The following ABR variants were observed in gnomAD, a reference collection of about 807,000 sequenced individuals.
The protein encoded by ABR is active breakpoint cluster region-related protein.
Under a neutral mutation model 107.2 loss-of-function variants are expected in ABR, and 35 were observed. The observed-to-expected ratio is 0.33, with a 90% CI of 0.25 to 0.43. ABR has a LOEUF of 0.43. ABR is among the 20% of genes least tolerant of loss of function. ABR has a pLI of 1.00. For missense variants in ABR, 815 were observed against 1,115.2 expected, an observed-to-expected ratio of 0.73 and a Z score of 3.83; for synonymous variants, 498 against 462.0, an observed-to-expected ratio of 1.08 and a Z score of -1.00.
At chr17:1,030,724 T>G (rs1215512659) in intron 16 of ABR, among the ~76,000 whole-genome samples, 1 of 152,250 alleles carries the variant, frequency 6.6e-6, no homozygotes, top group Non-Finnish European at 1.5e-5. Flanking sequence ...AGAGGTCCTG[T>G]GAGCCTCAGG....
At chr17:1,098,815 C>T (rs1214078938) in intron 3 of ABR, among the ~76,000 whole-genome samples, 1 of 152,190 alleles carries the variant, frequency 6.6e-6, no homozygotes, top group Non-Finnish European at 1.5e-5. Context: ...TTCAGAGTTT[C>T]ACTCTTGTTG....
In ABR at chr17:1,056,108, G is replaced by C. The variant is rs140254855; in HGVS notation, c.1488C>G (p.Asp496Glu). 5.0e-6 allele frequency: 8 copies of C among 1,613,972 alleles called. No individual in the cohort carries two copies. Among genetic ancestry groups the C allele is most frequent in the Non-Finnish European group, 6.8e-6 (8 of 1,179,846 alleles). Reference sequence around the variant, plus strand: ...AGCCATAGAGTCCTGGAGACTCATCGTCTGCAAGAGAGAAAAGCCCCCAGG... The same window carrying C: ...AGCCATAGAGTCCTGGAGACTCATCCTCTGCAAGAGAGAAAAGCCCCCAGG... Reference protein sequence around the residue: ...HNIPVTSNKDDDESPGLYGFL... With the variant: ...HNIPVTSNKDEDESPGLYGFL... The change falls in exon 14 of 23, where the codon GAC becomes GAG. Residue 496 changes from aspartate (D) to glutamate (E), a missense_variant and splice_region_variant. By Grantham distance (45) the Asp-to-Glu change is conservative (BLOSUM62 2). Coordinates refer to ENST00000302538, the MANE Select transcript of ABR (RefSeq NM_021962.5).
chr17:1,048,299 C>A (rs574517590), intron 16 of ABR, among the ~76,000 whole-genome samples: 3 of 152,368 alleles, frequency 2.0e-5, no homozygotes, highest in South Asian at 2.1e-4. Flanking sequence ...GCGTATGCGG[C>A]AGAGGCCAGG....
chr17:1,077,334 G>A (rs890494084), intron 6 of ABR, among the ~76,000 whole-genome samples: 1 of 152,160 alleles, frequency 6.6e-6, no homozygotes, highest in African/African-American at 2.4e-5. Flanking sequence ...CCGAAGCAAC[G>A]TGAACTCCAG....
intron 16 of ABR, among the ~76,000 whole-genome samples, chr17:1,043,154 C>T (rs933189459): frequency 6.6e-6 from 1 of 152,162 alleles, no homozygotes; most frequent in South Asian, 2.1e-4. Context: ...CCTATGGCCA[C>T]GGAGCTGTGC....
At position 1,179,950 on chromosome 17, in the gene ABR, G is replaced by A. The variant is rs897695352; in HGVS notation, c.-223C>T. 6 of 303,994 alleles carry A rather than the reference G, an allele frequency of 2.0e-5. No homozygotes were observed. Among genetic ancestry groups the A allele is most frequent in the South Asian group, 1.4e-4 (1 of 6,970 alleles). The allele number at this position is 303,994 out of a possible 1,614,324, so 18.8% of individuals were successfully genotyped here. A position where few individuals can be genotyped will look rare whatever the true frequency, so the allele number is the denominator to read the frequency against. On this transcript the variant is annotated 5_prime_UTR_variant, in exon 1 of 23. Transcript: ENST00000302538. This position sits in a 1 kb window ranked among gnomAD's most constrained non-coding sequence, Gnocchi z 4.9. ...CCCTCCCGGCCCCAGCGGCCGCGCC[G>A]AGCCCAGCTGCGGATCCCGGAACCG...
intron 1 of ABR, among the ~76,000 whole-genome samples, chr17:1,165,618 G>A (rs1254023936): frequency 3.9e-5 from 6 of 152,270 alleles, no homozygotes; most frequent in East Asian, 3.9e-4. Flanking sequence ...TGCAACCTCC[G>A]CCTCCCGGGT....
At position 1,091,751 on chromosome 17, in the gene ABR, T is replaced by C. The variant is rs760436295; in HGVS notation, c.445A>G (p.Ile149Val). The C allele has an allele frequency of 7.4e-6, 12 of 1,614,140 alleles. No individual in the cohort carries two copies. ...AGGTTGTCATAGAACTCCTTGTGGA[T>C]CTCATAGATGTCCTGGATCTTGTAG... Reference protein sequence around the residue: ...IFYKIQDIYEIHKEFYDNLCP... With the variant: ...IFYKIQDIYEVHKEFYDNLCP... The change falls in exon 4 of 23, where the codon ATC (isoleucine) becomes GTC (valine). Residue 149 changes from isoleucine to valine, a missense_variant. Physicochemically the swap from Ile to Val is conservative, Grantham distance 29. Transcript: ENST00000302538.
chr17:1,121,335 G>A (rs1181137646), intron 2 of ABR, among the ~76,000 whole-genome samples: 4 of 152,260 alleles, frequency 2.6e-5, no homozygotes, highest in Non-Finnish European at 5.9e-5. Flanking sequence ...GTTCGGTCAT[G>A]GTGCAGCAGA....
At chr17:1,135,643 G>C (rs1011945038) in intron 1 of ABR, among the ~76,000 whole-genome samples, 1 of 152,084 alleles carries the variant, frequency 6.6e-6, no homozygotes, top group African/African-American at 2.4e-5. Context: ...TGGGAGGCTG[G>C]AGCAGGCAGA....
At chr17:1,180,181 G>A (rs1017925949), upstream of ABR, among the ~76,000 whole-genome samples, 7 of 151,948 alleles carry the variant, frequency 4.6e-5, no homozygotes, top group African/African-American at 1.7e-4. Flanking sequence ...GGTCTCGGGG[G>A]GTCTCCAGGC....
rs1201662163 is a variant in ABR at position 1,011,947 on chromosome 17, C to G, written c.2000G>C (p.Cys667Ser). Reference sequence around the variant, plus strand: ...ACCCCTCTTCTCCACCTCCTCCACACACTGCCGGACGATGTAGGGCACCTT... The same window carrying G: ...ACCCCTCTTCTCCACCTCCTCCACAGACTGCCGGACGATGTAGGGCACCTT... The part of the protein sequence containing the change: ...RSKVPYIVRQ[C>S]VEEVEKRGIE... Residue 667 changes from cysteine (C) to serine (S), a missense_variant, in exon 19 of 23, where the codon TGT (cysteine) becomes TCT (serine). Around this residue, in one of 5 missense-constraint regions of ABR, gnomAD observed 175 missense variants for 284.3 expected, o/e 0.62. Coordinates refer to ENST00000302538, the MANE Select transcript of ABR (RefSeq NM_021962.5). The surrounding 1 kb of genome is among the most constrained non-coding windows in gnomAD (Gnocchi z 4.8). 6.2e-7 allele frequency: 1 copy of G among 1,613,612 alleles called. No homozygotes were observed. The highest frequency in any genetic ancestry group is 8.5e-7 in the Non-Finnish European group (1 of 1,179,694).
chr17:1,198,514 G>A (rs545926886), intron 1 of ABR, among the ~76,000 whole-genome samples: 20 of 151,282 alleles, frequency 1.3e-4, no homozygotes, highest in African/African-American at 4.4e-4. Context: ...AGGCTGAGGC[G>A]GGTGGATCAC....
chr17:1,006,146 C>T lies in ABR; in HGVS notation c.2514G>A (p.Leu838=). ...CTGCGAAGGAAATGGGGGGGTGCTG[C>T]AGGTAGTAGAGGAGGACCTGGACCT... ...MAQVQVLLYY[L]QHPPISFAEL... Residue 838 remains leucine, a synonymous_variant, in exon 23 of 23, where the codon CTG becomes CTA. Coordinates refer to ENST00000302538, the MANE Select transcript of ABR (RefSeq NM_021962.5). 6.3e-7 allele frequency: 1 copy of T among 1,585,938 alleles called. No homozygotes were observed. Among genetic ancestry groups the T allele is most frequent in the South Asian group, 1.2e-5 (1 of 86,812 alleles).
In ABR at chr17:1,157,385, G is replaced by A. The variant is rs1414706204; in HGVS notation, c.61+22282C>T. 6.6e-6 allele frequency among the ~76,000 whole-genome samples: 1 copy of A among 151,926 alleles called. No homozygotes were observed. The highest frequency in any genetic ancestry group is 1.5e-5 in the Non-Finnish European group (1 of 68,006). On this transcript the variant is annotated intron_variant, in intron 1 of 22. Transcript: ENST00000302538. This position sits in a 1 kb window ranked among gnomAD's most constrained non-coding sequence, Gnocchi z 4.7. ...CCTGCCTCAGCCTCCCAAATAGCTG[G>A]GATTACAGGTGTGCGCCACCACGCC...
chr17:1,070,157 C>A lies in ABR; in HGVS notation c.895-67G>T. ...TGCGGCCGAGGGCAGAGCCTGCACA[C>A]GGGGGCACGGCCAGCCAGGGAGGAC... On this transcript the variant is annotated intron_variant, in intron 8 of 22. Transcript: ENST00000302538. This position sits in a 1 kb window ranked among gnomAD's most constrained non-coding sequence, Gnocchi z 4.2. 1 of 1,593,444 alleles carries A rather than the reference C, an allele frequency of 6.3e-7. No homozygotes were observed. The highest frequency in any genetic ancestry group is 8.6e-7 in the Non-Finnish European group (1 of 1,168,498).
chr17:1,069,765 A>G (rs972738787), intron 9 of ABR, among the ~76,000 whole-genome samples: 1 of 116,670 alleles, frequency 8.6e-6, no homozygotes, highest in Non-Finnish European at 1.8e-5. Flanking sequence ...TCACACACTC[A>G]CCCCGCAGAG....
chr17:1,023,878 A>G (rs942211696), intron 16 of ABR, among the ~76,000 whole-genome samples: 1 of 151,388 alleles, frequency 6.6e-6, no homozygotes, highest in African/African-American at 2.4e-5. Context: ...TACAAAAATT[A>G]CCCCGGCGTG....
chr17:1,083,034 G>C (rs1352729671), intron 5 of ABR, among the ~76,000 whole-genome samples: 1 of 146,966 alleles, frequency 6.8e-6, no homozygotes, highest in Non-Finnish European at 1.5e-5. Context: ...TGAGGCAGGA[G>C]AATCACTTGA....
Sources: gnomAD v4.1 joint callset for allele counts (sites outside exome capture counted in the v4.1 genomes callset) on GRCh38, gnomAD v4.1.1 for gene constraint, gnomAD v4.1.1 regional missense constraint, Gnocchi (gnomAD v3.1) non-coding constraint, MANE v1.5 for transcripts, NCBI Gene and HGNC (gene_info 2026-07-23, HGNC 2026-07-21) for gene names.